CRTAC1: variants seen among roughly 807,000 people sequenced by gnomAD.
CRTAC1 encodes the protein cartilage acidic protein 1.
In CRTAC1, 37 loss-of-function variants were observed where a neutral mutation model predicts 67.8. That is an observed-to-expected ratio of 0.55 (90% confidence interval 0.42 to 0.72). CRTAC1 has a LOEUF of 0.72. Among genes scored for constraint, CRTAC1 ranks in the 30% least tolerant of loss-of-function variants. CRTAC1 has a pLI of 0.00. For synonymous variants in CRTAC1, 348 were observed against 371.0 expected (o/e 0.94, Z 0.71); for missense variants, 780 against 931.6 (o/e 0.84, Z 2.12).
At chr10:98,018,199 C>CAAAAAAAAAAAA (rs71007373) in intron 1 of CRTAC1, among the ~76,000 whole-genome samples, 1 of 48,642 alleles carries the variant, frequency 2.1e-5, no homozygotes, top group Non-Finnish European at 3.4e-5. Context: ...AAGATGCCCG[C>CAAAAAAAAAAAA]AAAAAAAAAA....
chr10:97,897,960 C>A (rs79203936), intron 8 of CRTAC1, among the ~76,000 whole-genome samples: 2,674 of 152,268 alleles, frequency 0.018, 79 homozygotes, highest in African/African-American at 0.058. Flanking sequence ...TGAGCTGGAG[C>A]CTTTGGTGGC....
Position 97,936,152 on chromosome 10 carries a change from C to A in CRTAC1, c.421+18G>T. 1 of 1,578,604 alleles carries A rather than the reference C, an allele frequency of 6.3e-7. No homozygotes were observed. The highest frequency in any genetic ancestry group is 1.2e-5 in the South Asian group (1 of 86,436). ...GAGAAGATGGGAAGCAGGAAGAGGC[C>A]TGAGCCCCAGCCCTTACCCGAGAAG... On this transcript the variant is annotated intron_variant, in intron 3 of 14. Transcript: ENST00000370597.
At chr10:97,900,808 TTC>T (rs1244321938) in intron 8 of CRTAC1, among the ~76,000 whole-genome samples, 109 of 107,272 alleles carry the variant, frequency 1.0e-3, no homozygotes, top group Middle Eastern at 5.0e-3. Context: ...GTAGCCCCTT[TTC>T]CTGGTAGTGA....
intron 7 of CRTAC1, 45 bp downstream of exon 7, chr10:97,904,624 T>C (rs1274684907): frequency 6.8e-7 from 1 of 1,470,406 alleles, no homozygotes; most frequent in East Asian, 2.5e-5. Context: ...TTTTGCCATG[T>C]TGGACAGGCT....
chr10:98,005,368 G>A (rs976924637), intron 2 of CRTAC1, among the ~76,000 whole-genome samples: 2 of 150,564 alleles, frequency 1.3e-5, no homozygotes, highest in Non-Finnish European at 3.0e-5. Context: ...GCCTCCCAAA[G>A]TGCTGGGATT....
intron 3 of CRTAC1, among the ~76,000 whole-genome samples, chr10:97,927,833 A>G (rs2050944672): frequency 2.0e-5 from 3 of 152,206 alleles, no homozygotes; most frequent in South Asian, 4.1e-4. Context: ...AGGAAGACAG[A>G]TAAACAGCGA....
Position 98,030,232 on chromosome 10 carries a change from C to G in CRTAC1, c.24+217G>C, listed in dbSNP as rs150253337. ...ACCTCTCCGCCACCTCCAACCCGGC[C>G]GCCGCCTCACCCCCAGCCCGCGGGG... On this transcript the variant is annotated intron_variant, in intron 1 of 14. Transcript: ENST00000370597. The surrounding 1 kb of genome is among the most constrained non-coding windows in gnomAD (Gnocchi z 4.2). 2.0e-5 allele frequency among the ~76,000 whole-genome samples: 3 copies of G among 150,578 alleles called. No homozygotes were observed. Among genetic ancestry groups the G allele is most frequent in the Non-Finnish European group, 3.0e-5 (2 of 67,576 alleles).
At chr10:97,962,747 A>C (rs1444723672) in intron 2 of CRTAC1, among the ~76,000 whole-genome samples, 2 of 151,918 alleles carry the variant, frequency 1.3e-5, no homozygotes, top group African/African-American at 4.8e-5. Context: ...AATCCAAACA[A>C]CATCTGCTCT....
At chr10:97,865,825 GGAGGGA>G in intron 14 of CRTAC1, 111 bp from the exon 15 acceptor site, 14 of 1,218,000 alleles carry the variant, frequency 1.1e-5, no homozygotes, top group Non-Finnish European at 1.4e-5. Context: ...GCCCGGGGTG[GGAGGGA>G]GGGTGACGGG....
intron 2 of CRTAC1, among the ~76,000 whole-genome samples, chr10:97,961,263 C>G (rs1590241198): frequency 6.6e-6 from 1 of 152,050 alleles, no homozygotes; most frequent in Non-Finnish European, 1.5e-5. Context: ...TCTTCTTTCT[C>G]TCTTAACAAC....
intron 2 of CRTAC1, among the ~76,000 whole-genome samples, chr10:98,002,374 A>G (rs546590818): frequency 6.6e-6 from 1 of 152,338 alleles, no homozygotes; most frequent in East Asian, 1.9e-4. Flanking sequence ...TTTAAAAACA[A>G]AGGAACAAAA....
At chr10:97,979,501 TG>T (rs1490752968) in intron 2 of CRTAC1, among the ~76,000 whole-genome samples, 1 of 152,234 alleles carries the variant, frequency 6.6e-6, no homozygotes, top group Non-Finnish European at 1.5e-5. Flanking sequence ...CACATGCTGC[TG>T]GTCATTTTGC....
intron 3 of CRTAC1, among the ~76,000 whole-genome samples, chr10:97,932,354 C>T (rs1218868091): frequency 5.3e-5 from 8 of 152,114 alleles, no homozygotes; most frequent in Admixed American, 2.0e-4. Context: ...TTCAAAAATA[C>T]GTATTTAATG....
intron 2 of CRTAC1, among the ~76,000 whole-genome samples, chr10:97,972,877 G>A (rs2136654859): frequency 6.6e-6 from 1 of 152,170 alleles, no homozygotes; most frequent in Admixed American, 6.5e-5. Flanking sequence ...TCAATTCCAA[G>A]ACATTGATGG....
chr10:97,930,677 G>T (rs1455184521), intron 3 of CRTAC1, among the ~76,000 whole-genome samples: 1 of 152,172 alleles, frequency 6.6e-6, no homozygotes, highest in Non-Finnish European at 1.5e-5. Flanking sequence ...CCGACCAGGG[G>T]TGCTTCTCTC....
chr10:97,918,194 G>A (rs146517492), intron 4 of CRTAC1, among the ~76,000 whole-genome samples: 97 of 152,246 alleles, frequency 6.4e-4, no homozygotes, highest in African/African-American at 1.8e-3. Context: ...AGATTTGCAG[G>A]GGTCCTACTT....
rs1439243602 is a variant in CRTAC1 at position 97,917,608 on chromosome 10, C to A, written c.607G>T (p.Val203Leu). 1 of 1,600,288 alleles carries A rather than the reference C, an allele frequency of 6.2e-7. No individual in the cohort carries two copies. Among genetic ancestry groups the A allele is most frequent in the South Asian group, 1.1e-5 (1 of 87,858 alleles). Residue 203 changes from valine to leucine, a missense_variant, in exon 5 of 15, where the codon GTG becomes TTG. Physicochemically the swap from Val to Leu is conservative, Grantham distance 32. Transcript: ENST00000370597. Reference sequence around the variant, plus strand: ...ATTTCAATGAGGGCATCAGGGCCCACATTACCGTAGGCGTAATTGGCAATG... The same window carrying A: ...ATTTCAATGAGGGCATCAGGGCCCAAATTACCGTAGGCGTAATTGGCAATG... ...IYIANYAYGN[V>L]GPDALIEMDP...
At position 97,960,222 on chromosome 10, in the gene CRTAC1, G is replaced by A. The variant is rs183705360; in HGVS notation, c.225-23856C>T. On this transcript the variant is annotated intron_variant, in intron 2 of 14. Transcript: ENST00000370597. The stretch of plus-strand genomic sequence containing the variant: ...CCCTGGGGACAGCAGTCCCAGCCCC[G>A]CTGTAACTTTTCTGTACAGCCTCCT... Among the ~76,000 whole-genome samples the A allele has an allele frequency of 1.7e-4, 26 of 152,312 alleles. No individual in the cohort carries two copies. The East Asian group carries it at 2.9e-3, about 17-fold the overall frequency.
At chr10:98,015,604 C>A (rs1009808229) in intron 1 of CRTAC1, among the ~76,000 whole-genome samples, 1 of 152,136 alleles carries the variant, frequency 6.6e-6, no homozygotes, top group Non-Finnish European at 1.5e-5. Flanking sequence ...GCAAGGGCAC[C>A]AAATTTTTGT....
Sources: allele counts gnomAD v4.1 joint callset (sites outside exome capture counted in the v4.1 genomes callset), GRCh38; gene constraint gnomAD v4.1.1; non-coding constraint Gnocchi (gnomAD v3.1); transcripts MANE v1.5; gene names NCBI Gene and HGNC (gene_info 2026-07-23, HGNC 2026-07-21).